The following PCDHGA5 variants were observed in gnomAD, a reference collection of about 807,000 sequenced individuals.
PCDHGA5 encodes the protein protocadherin gamma subfamily A, 5.
PCDHGA5 carries 36 observed loss-of-function variants against 56.7 expected under a neutral mutation model. The observed-to-expected ratio is 0.64, with a 90% CI of 0.49 to 0.84. PCDHGA5 has a LOEUF of 0.84. Ranked by LOEUF, PCDHGA5 falls within the 40% of genes least tolerant of loss-of-function variation. PCDHGA5 has a pLI of 0.00. For missense variants in PCDHGA5, 1,305 were observed against 1,201.5 expected, an observed-to-expected ratio of 1.09 and a Z score of -1.27; for synonymous variants, 563 against 520.2, an observed-to-expected ratio of 1.08 and a Z score of -1.12.
intron 1 of PCDHGA5, chr5:141,370,622 C>T: frequency 1.9e-6 from 3 of 1,613,902 alleles, no homozygotes; most frequent in Non-Finnish European, 2.5e-6. Context: ...AATTCTTTAC[C>T]GTGAGCCCCG....
At position 141,404,694 on chromosome 5, in the gene PCDHGA5, C is replaced by T. The variant is rs749803871; in HGVS notation, c.2421+37943C>T. 10 of 1,614,116 alleles carry T rather than the reference C, an allele frequency of 6.2e-6. No homozygotes were observed. The East Asian group carries it at 2.0e-4, about 32-fold the overall frequency. ...ACTGGTGTGGAGCTGGCACCCCGCT[C>T]TGCAGAGCCTGGCTACCTGGTGACC... On this transcript the variant is annotated intron_variant, in intron 1 of 3. Coordinates refer to ENST00000518069, the MANE Select transcript of PCDHGA5 (RefSeq NM_018918.3).
At chr5:141,412,286 G>A (rs150947924) in intron 1 of PCDHGA5, 104 of 152,170 alleles carry the variant, frequency 6.8e-4, no homozygotes, top group African/African-American at 2.3e-3. Flanking sequence ...CAAATTCTAC[G>A]TATTTCTTTT....
chr5:141,414,724 G>A (rs1461729604), intron 1 of PCDHGA5: 48 of 1,614,138 alleles, frequency 3.0e-5, no homozygotes, highest in Non-Finnish European at 3.9e-5. Context: ...AGACACTGGC[G>A]TCCTGTATGC....
chr5:141,438,065 C>T (rs1385128405), intron 1 of PCDHGA5, among the ~76,000 whole-genome samples: 1 of 151,996 alleles, frequency 6.6e-6, no homozygotes, highest in Non-Finnish European at 1.5e-5. Flanking sequence ...TTTAAGAAAC[C>T]ATACTTAATG....
In PCDHGA5 at chr5:141,366,140, C is replaced by T. The variant is rs564608784; in HGVS notation, c.1810C>T (p.Leu604=). 1.8e-5 allele frequency: 29 copies of T among 1,614,182 alleles called. No homozygotes were observed. The East Asian group carries it at 5.6e-4, about 31-fold the overall frequency. ...CAAAGATTCAGGCCAGAACGCCTGG[C>T]TGTCCTACCGCCTGCTTAAGGCCAG... ...VDKDSGQNAW[L]SYRLLKASEP... Residue 604 remains leucine (L), a synonymous_variant, in exon 1 of 4, where the codon CTG becomes TTG. Coordinates refer to ENST00000518069, the MANE Select transcript of PCDHGA5 (RefSeq NM_018918.3).
rs756966401 is a variant in PCDHGA5, at chr5:141,393,451, C to T, written c.2421+26700C>T. The T allele has an allele frequency of 5.0e-6, 8 of 1,614,058 alleles. No homozygotes were observed. In the South Asian group the frequency reaches 6.6e-5, roughly 13 times the overall value. On this transcript the variant is annotated intron_variant, in intron 1 of 3. Transcript: ENST00000518069. The stretch of plus-strand genomic sequence containing the variant: ...GAGGCTGCTCACCACCTGGTCCTCA[C>T]GGCCTCGGATGGCGGCAAGCCGCCT...
In PCDHGA5 at chr5:141,431,213, TTCCC is replaced by T. The variant is rs1373533151; in HGVS notation, c.2422-63591_2422-63588del. 1 of 1,614,142 alleles carries T rather than the reference TTCCC, an allele frequency of 6.2e-7. No homozygotes were observed. Among genetic ancestry groups the T allele is most frequent in the Admixed American group, 1.7e-5 (1 of 60,020 alleles). On this transcript the variant is annotated intron_variant, in intron 1 of 3. Transcript: ENST00000518069. This position sits in a 1 kb window ranked among gnomAD's most constrained non-coding sequence, Gnocchi z 4.8. ...TGAAAATGCAGCCACTGAGATGCGGTTCCCTCTACCCCACGCCTGGGATCCGGAT... is the reference window on the plus strand; with the variant it reads ...TGAAAATGCAGCCACTGAGATGCGGTTCTACCCCACGCCTGGGATCCGGAT...
At chr5:141,446,621 C>T (rs1284919173) in intron 1 of PCDHGA5, among the ~76,000 whole-genome samples, 2 of 152,094 alleles carry the variant, frequency 1.3e-5, no homozygotes, top group Non-Finnish European at 2.9e-5. Flanking sequence ...GGACTACAGG[C>T]GTGCACCACC....
intron 1 of PCDHGA5, chr5:141,427,369 C>T (rs1333238163): frequency 4.4e-6 from 2 of 457,834 alleles, no homozygotes; most frequent in Non-Finnish European, 8.8e-6. Flanking sequence ...GAACCCTGGA[C>T]GGTGATCACT....
intron 1 of PCDHGA5, chr5:141,422,668 G>A: frequency 6.2e-7 from 1 of 1,607,686 alleles, no homozygotes; most frequent in Non-Finnish European, 8.5e-7. Context: ...CCTCGACCCG[G>A]ACAGCAAACA....
At chr5:141,374,162 G>A in intron 1 of PCDHGA5, 3 of 1,612,514 alleles carry the variant, frequency 1.9e-6, no homozygotes, top group Admixed American at 1.7e-5. Context: ...GTGGGGGGCC[G>A]CGGCAGCGCA....
chr5:141,431,974 CA>C lies in PCDHGA5; in HGVS notation c.2422-62832del, dbSNP rs1419355804. The C allele has an allele frequency of 1.2e-6, 2 of 1,614,174 alleles. No individual in the cohort carries two copies. The highest frequency in any genetic ancestry group is 1.3e-5 in the African/African-American group (1 of 75,058). On this transcript the variant is annotated intron_variant, in intron 1 of 3. Transcript: ENST00000518069. This position sits in a 1 kb window ranked among gnomAD's most constrained non-coding sequence, Gnocchi z 4.8. ...CTTACGGAAATTACTATAGTTTAGT[CA>C]CAGACATAGTCTTGGATAGGGAACA... is the stretch of plus-strand genomic sequence containing the variant.
chr5:141,375,065 C>T (rs1366674805), intron 1 of PCDHGA5: 36 of 1,613,814 alleles, frequency 2.2e-5, no homozygotes, highest in Middle Eastern at 1.6e-4. Context: ...GCCAGGTCTT[C>T]GAGACAGAGC....
intron 1 of PCDHGA5, among the ~76,000 whole-genome samples, chr5:141,402,262 TA>T (rs1248031439): frequency 6.6e-6 from 1 of 151,912 alleles, no homozygotes; most frequent in Non-Finnish European, 1.5e-5. Context: ...CCCCAGAAAA[TA>T]ATTTCAAAGT....
rs777450935 is a variant in PCDHGA5 at position 141,366,528 on chromosome 5, C to A, written c.2198C>A (p.Ala733Glu). Residue 733 changes from alanine (A) to glutamate (E), a missense_variant, in exon 1 of 4, where the codon GCG becomes GAG. By Grantham distance (107) the Ala-to-Glu change is moderately radical. Transcript: ENST00000518069. Reference protein sequence around the residue: ...RLLQAEGSRLAGVPASHFVGV... With the variant: ...RLLQAEGSRLEGVPASHFVGV... ...CTTCAGGCTGAAGGCAGCAGGTTGG[C>A]GGGTGTGCCCGCCTCGCACTTTGTG... is the stretch of plus-strand genomic sequence containing the variant. 4.3e-6 allele frequency: 7 copies of A among 1,614,210 alleles called. No individual in the cohort carries two copies. Among genetic ancestry groups the A allele is most frequent in the South Asian group, 1.1e-5 (1 of 91,086 alleles).
intron 1 of PCDHGA5, chr5:141,416,087 G>A (rs1201318552): frequency 1.2e-5 from 2 of 165,800 alleles, no homozygotes; most frequent in East Asian, 3.3e-4. Flanking sequence ...TTCCCAAGGA[G>A]AAGGGCAATA....
At chr5:141,422,724 G>A (rs560544401) in intron 1 of PCDHGA5, 9 of 1,606,016 alleles carry the variant, frequency 5.6e-6, no homozygotes, top group East Asian at 2.2e-5. Flanking sequence ...CTGTCCAGGG[G>A]GTGCCTCTGT....
At chr5:141,370,986 G>T in intron 1 of PCDHGA5, 1 of 1,613,992 alleles carries the variant, frequency 6.2e-7, no homozygotes, top group Non-Finnish European at 8.5e-7. Flanking sequence ...AGTACTGAAA[G>T]CACCCCTGGA....
intron 1 of PCDHGA5, chr5:141,399,577 TC>T (rs1393975550): frequency 6.2e-7 from 1 of 1,613,972 alleles, no homozygotes; most frequent in Non-Finnish European, 8.5e-7. Flanking sequence ...CGGCCAAGTC[TC>T]CTACTCTATC....
Sources: gnomAD v4.1 joint callset for allele counts (sites outside exome capture counted in the v4.1 genomes callset) on GRCh38, gnomAD v4.1.1 for gene constraint, Gnocchi (gnomAD v3.1) non-coding constraint, MANE v1.5 for transcripts, NCBI Gene and HGNC (gene_info 2026-07-23, HGNC 2026-07-21) for gene names.